The following ABCA4 variants were observed in gnomAD, a reference collection of about 807,000 sequenced individuals.
ABCA4 encodes the protein retinal-specific phospholipid-transporting ATPase ABCA4.
ABCA4 carries 196 observed loss-of-function variants against 263.7 expected under a neutral mutation model. The ratio of observed to expected loss-of-function variants is 0.74; its 90% CI spans 0.66 to 0.84. The LOEUF (loss-of-function observed/expected upper bound fraction) is 0.84. Ranked by LOEUF, ABCA4 falls within the 40% of genes least tolerant of loss-of-function variation. ABCA4 has a pLI of 0.00. For synonymous variants in ABCA4, 1,133 were observed against 1,094.2 expected, an observed-to-expected ratio of 1.04 and a Z score of -0.70; for missense variants, 2,792 against 2,855.1, an observed-to-expected ratio of 0.98 and a Z score of 0.50.
intron 47 of ABCA4, 25 bp downstream of exon 47, chr1:94,000,811 G>C: frequency 6.2e-7 from 1 of 1,612,362 alleles, no homozygotes; most frequent in Non-Finnish European, 8.5e-7. Context: ...AAGGCAACAA[G>C]GGGCACGCCC....
rs1435011872 is a variant in ABCA4 at position 94,112,965 on chromosome 1, A to G, written c.160+8T>C. ...CAGGGCTTGCCCAAGCTACCCTGCTATGCTTACATTCATGATGGCTGTAGA... is the reference window on the plus strand; with the variant it reads ...CAGGGCTTGCCCAAGCTACCCTGCTGTGCTTACATTCATGATGGCTGTAGA... On this transcript the variant is annotated splice_region_variant and intron_variant, in intron 2 of 49. Transcript: ENST00000370225. The G allele has an allele frequency of 1.2e-6, 2 of 1,610,260 alleles. No homozygotes were observed. Among genetic ancestry groups the G allele is most frequent in the Admixed American group, 3.3e-5 (2 of 60,028 alleles).
intron 26 of ABCA4, among the ~76,000 whole-genome samples, chr1:94,034,318 C>T (rs1461188775): frequency 6.6e-6 from 1 of 152,156 alleles, no homozygotes; most frequent in African/African-American, 2.4e-5. Context: ...CTCTTCTTCT[C>T]TCTTCTTCTT....
rs185601596 is a variant in ABCA4, at chr1:94,000,817, C to T, written c.6479+19G>A. The T allele has an allele frequency of 8.0e-5, 129 of 1,610,986 alleles. No individual in the cohort carries two copies. The East Asian group carries it at 8.7e-4, about 11-fold the overall frequency. On this transcript the variant is annotated intron_variant, in intron 47 of 49. Transcript: ENST00000370225. ...GATCCACAGAAGGCAACAAGGGGCACGCCCCACCATCTGCTTACTTGGACT... is the reference window on the plus strand; with the variant it reads ...GATCCACAGAAGGCAACAAGGGGCATGCCCCACCATCTGCTTACTTGGACT...
At chr1:94,066,317 A>G (rs1033394953) in intron 11 of ABCA4, among the ~76,000 whole-genome samples, 2 of 152,224 alleles carry the variant, frequency 1.3e-5, no homozygotes, top group Non-Finnish European at 2.9e-5. Context: ...ATGCATTTAA[A>G]TTTGCTTTAG....
chr1:94,075,398 T>C (rs1661513789), intron 11 of ABCA4, among the ~76,000 whole-genome samples: 1 of 152,300 alleles, frequency 6.6e-6, no homozygotes, highest in African/African-American at 2.4e-5. Flanking sequence ...GTCATTCTTA[T>C]CTTCAGACAA....
chr1:93,995,316 G>A (rs1293736817), intron 49 of ABCA4, among the ~76,000 whole-genome samples: 3 of 152,324 alleles, frequency 2.0e-5, no homozygotes, highest in Admixed American at 2.0e-4. Flanking sequence ...GGGGAAATAA[G>A]GTTTTTGCAT....
In ABCA4 at chr1:94,042,311, A is replaced by G. The variant is rs199718751; in HGVS notation, c.3328+450T>C. On this transcript the variant is annotated intron_variant, in intron 22 of 49. Coordinates refer to ENST00000370225, the MANE Select transcript of ABCA4 (RefSeq NM_000350.3). ...TTCTGATCTGAGCCCCTTGTCTGAG[A>G]GGTGCCATGACAGAGGAGCCACTTC... Among the ~76,000 whole-genome samples, 71 of 152,080 alleles carry G rather than the reference A, an allele frequency of 4.7e-4. No homozygotes were observed. The East Asian group carries it at 8.7e-3, about 19-fold the overall frequency.
intron 5 of ABCA4, among the ~76,000 whole-genome samples, chr1:94,100,520 G>A (rs1367721918): frequency 6.6e-6 from 1 of 152,200 alleles, no homozygotes; most frequent in African/African-American, 2.4e-5. Flanking sequence ...TCTCCAGTGA[G>A]TAGGGAAGAG....
chr1:94,029,424 C>T (rs772769952), intron 30 of ABCA4, 21 bp downstream of exon 30: 23 of 1,539,320 alleles, frequency 1.5e-5, no homozygotes, highest in East Asian at 7.3e-5. Context: ...CCTGGGGCCC[C>T]GTTGTTTGGA....
At chr1:94,077,582 G>T in intron 11 of ABCA4, 108 bp downstream of exon 11, 1 of 1,055,514 alleles carries the variant, frequency 9.5e-7, no homozygotes, top group South Asian at 1.6e-5. Flanking sequence ...TTCTTCAGTG[G>T]GGAAAATGAA....
intron 41 of ABCA4, 120 bp from the exon 42 acceptor site, chr1:94,008,417 T>C: frequency 9.8e-7 from 1 of 1,017,598 alleles, no homozygotes; most frequent in East Asian, 2.4e-5. Flanking sequence ...AGGTTACATA[T>C]TGACATGGGC....
rs1402421967 is a variant in ABCA4 at position 94,005,328 on chromosome 1, A to C, written c.6147+113T>G. ...TAGACACATAGTAAACATTTGTTGGAATGAATGAATGAATAGCACGCTTCA... is the reference window on the plus strand; with the variant it reads ...TAGACACATAGTAAACATTTGTTGGCATGAATGAATGAATAGCACGCTTCA... On this transcript the variant is annotated intron_variant, in intron 44 of 49. Coordinates refer to ENST00000370225, the MANE Select transcript of ABCA4 (RefSeq NM_000350.3). 3 of 1,326,700 alleles carry C rather than the reference A, an allele frequency of 2.3e-6. No individual in the cohort carries two copies. In the African/African-American group the frequency reaches 4.3e-5, roughly 19 times the overall value. 82.2% of individuals were successfully genotyped at this position (1,326,700 alleles called of 1,614,324 possible). A position where few individuals can be genotyped will look rare whatever the true frequency, so the allele number is the denominator to read the frequency against.
At chr1:93,996,341 C>T in intron 48 of ABCA4, 146 bp from the exon 49 acceptor site, 1 of 712,688 alleles carries the variant, frequency 1.4e-6, no homozygotes, top group Non-Finnish European at 2.5e-6. Context: ...GAGGCTGGCC[C>T]ACTCACAGAA....
chr1:94,021,224 G>C lies in ABCA4; in HGVS notation c.5018+16C>G. ...GGTGACAAGAAAGTGGTGAGGCTGG[G>C]GCTGTGGTGGCTTACACTGTAATCT... On this transcript the variant is annotated intron_variant, in intron 35 of 49. Transcript: ENST00000370225. The C allele has an allele frequency of 6.2e-7, 1 of 1,614,118 alleles. No homozygotes were observed. The highest frequency in any genetic ancestry group is 2.2e-5 in the East Asian group (1 of 44,890).
intron 15 of ABCA4, 39 bp downstream of exon 15, chr1:94,056,561 GA>G: frequency 6.3e-7 from 1 of 1,595,448 alleles, no homozygotes; most frequent in Non-Finnish European, 8.6e-7. Context: ...CCCTTCCAAG[GA>G]AACGTGTTGT....
chr1:94,033,724 T>G (rs1660269313), intron 26 of ABCA4, among the ~76,000 whole-genome samples: 1 of 151,882 alleles, frequency 6.6e-6, no homozygotes, highest in African/African-American at 2.4e-5. Flanking sequence ...CATTTACCTA[T>G]GACGTGCCAG....
intron 22 of ABCA4, among the ~76,000 whole-genome samples, 194 bp from the exon 23 acceptor site, chr1:94,041,596 A>G (rs141119283): frequency 9.8e-5 from 15 of 152,334 alleles, no homozygotes; most frequent in African/African-American, 3.6e-4. Flanking sequence ...ATAGCTTCCT[A>G]CATACTGTAA....
rs1476773147 is a variant in ABCA4, at chr1:93,995,330, C to T, written c.6816+779G>A. Among the ~76,000 whole-genome samples the T allele has an allele frequency of 3.9e-5, 6 of 152,290 alleles. 2 individuals carry two copies. The highest frequency in any genetic ancestry group is 1.2e-4 in the African/African-American group (5 of 41,544). On this transcript the variant is annotated intron_variant, in intron 49 of 49. Transcript: ENST00000370225. Reference sequence around the variant, plus strand: ...TGGGGAAATAAGGTTTTTGCATATCCTTGCTTCTTGATTTGATTTGATTTA... The same window carrying T: ...TGGGGAAATAAGGTTTTTGCATATCTTTGCTTCTTGATTTGATTTGATTTA...
At chr1:94,080,311 C>A (rs933881515) in intron 8 of ABCA4, among the ~76,000 whole-genome samples, 167 bp downstream of exon 8, 1 of 152,174 alleles carries the variant, frequency 6.6e-6, no homozygotes, top group African/African-American at 2.4e-5. Context: ...AAGCAATGCC[C>A]CCTTTCTGCA....
Sources: allele counts gnomAD v4.1 joint callset (sites outside exome capture counted in the v4.1 genomes callset), GRCh38; gene constraint gnomAD v4.1.1; transcripts MANE v1.5; gene names NCBI Gene and HGNC (gene_info 2026-07-23, HGNC 2026-07-21).